Variants in NLRP1 observed in about 807,000 individuals in gnomAD.
NLRP1 encodes NLR family pyrin domain containing 1.
In NLRP1, 94 loss-of-function variants were observed where a neutral mutation model predicts 136.7. The observed-to-expected ratio is 0.69, with a 90% CI of 0.58 to 0.82. The LOEUF is 0.82. NLRP1 is among the 40% of genes least tolerant of loss of function. The pLI, the probability that NLRP1 is intolerant of heterozygous loss-of-function variation, is 0.00. For missense variants in NLRP1, 1,575 were observed against 1,802.7 expected (o/e 0.87, Z 2.29); for synonymous variants, 690 against 725.1 (o/e 0.95, Z 0.78).
At chr17:5,501,506 C>A in exon 16 of NLRP1, 1 of 237,706 alleles carries the variant, frequency 4.2e-6, no homozygotes, top group South Asian at 8.4e-5. Flanking sequence ...AAAATAAAGC[C>A]TCCCACAATC....
chr17:5,540,518 C>T (rs989976509), intron 6 of NLRP1, among the ~76,000 whole-genome samples: 1 of 152,128 alleles, frequency 6.6e-6, no homozygotes, highest in Non-Finnish European at 1.5e-5. Flanking sequence ...ATTCCAGGGC[C>T]TTCGCTAAGA....
chr17:5,548,655 T>A (rs1026426033), intron 5 of NLRP1, among the ~76,000 whole-genome samples: 1 of 152,246 alleles, frequency 6.6e-6, no homozygotes, highest in Non-Finnish European at 1.5e-5. Context: ...CCAGTCTGCA[T>A]TCTCGCCTCT....
At position 5,521,576 on chromosome 17, in the gene NLRP1, T is replaced by A. The variant is rs1331493206; in HGVS notation, c.3731A>T (p.Glu1244Val). The change falls in exon 13 of 17, where the codon GAG (glutamate) becomes GTG (valine). Residue 1244 changes from glutamate (E) to valine (V), a missense_variant. By Grantham distance (121) the Glu-to-Val change is moderately radical. Transcript: ENST00000572272. Reference protein sequence around the residue: ...VVLLYHRVHPEEVTFHLYLIP... With the variant: ...VVLLYHRVHPVEVTFHLYLIP... ...CAGGTAGAGGTGGAAGGTGACTTCC[T>A]CAGGATGGACGCGGTGGTAAAGCAA... 6.2e-7 allele frequency: 1 copy of A among 1,613,990 alleles called. No individual in the cohort carries two copies. The highest frequency in any genetic ancestry group is 1.3e-5 in the African/African-American group (1 of 74,928).
intron 5 of NLRP1, among the ~76,000 whole-genome samples, chr17:5,543,332 C>T (rs974287947): frequency 7.2e-5 from 11 of 152,132 alleles, no homozygotes; most frequent in Non-Finnish European, 1.6e-4. Context: ...GAGGTGAGGG[C>T]GGAGGCAGGG....
In NLRP1 at chr17:5,559,230, T is replaced by C; in HGVS notation, c.1466A>G (p.Tyr489Cys). ...TTCATCTGTGAAATATCTGTAGAAA[T>C]ATTCCTTCCTGCTGGACTCAGAGAA... The part of the protein sequence containing the change: ...LGFSESSRKE[Y>C]FYRYFTDERQ... Residue 489 changes from tyrosine to cysteine, a missense_variant, in exon 4 of 17, where the codon TAT becomes TGT. Physicochemically the swap from Tyr to Cys is radical, Grantham distance 194. Coordinates refer to ENST00000572272, the MANE Select transcript of NLRP1 (RefSeq NM_033004.4). 6.2e-7 allele frequency: 1 copy of C among 1,614,184 alleles called. No individual in the cohort carries two copies. Among genetic ancestry groups the C allele is most frequent in the Non-Finnish European group, 8.5e-7 (1 of 1,180,036 alleles).
chr17:5,578,372 G>A (rs1905232703), intron 3 of NLRP1, among the ~76,000 whole-genome samples: 1 of 152,034 alleles, frequency 6.6e-6, no homozygotes, highest in African/African-American at 2.4e-5. Flanking sequence ...CTAACAAAGG[G>A]CTAATATCCA....
At chr17:5,512,330 G>A (rs1907692412), downstream of NLRP1, 4 of 1,387,950 alleles carry the variant, frequency 2.9e-6, no homozygotes, top group Admixed American at 6.7e-5. Flanking sequence ...CCAAGAGGCG[G>A]GTCTACTTTA....
chr17:5,583,815 G>A lies in NLRP1; in HGVS notation c.143C>T (p.Thr48Met), dbSNP rs368786124. The A allele has an allele frequency of 3.8e-5, 59 of 1,561,430 alleles. 1 individual carries two copies. In the South Asian group the frequency reaches 4.2e-4, roughly 11 times the overall value. Residue 48 changes from threonine to methionine, a missense_variant, in exon 1 of 17, where the codon ACG becomes ATG. Transcript: ENST00000572272. The surrounding 1 kb of genome is among the most constrained non-coding windows in gnomAD (Gnocchi z 4.5). ...GTACGAGGCCACCTCCATGCCACTC[G>A]TCTTCTCTGGCTGAGCGGGTGTCTC... is the stretch of plus-strand genomic sequence containing the variant. Reference protein sequence around the residue: ...SGETPAQPEKTSGMEVASYLV... With the variant: ...SGETPAQPEKMSGMEVASYLV...
At chr17:5,521,497 C>A (rs375391186) in intron 13 of NLRP1, 27 bp downstream of exon 13, 105 of 1,604,634 alleles carry the variant, frequency 6.5e-5, no homozygotes, top group Non-Finnish European at 8.4e-5. Flanking sequence ...CCCACCGTGG[C>A]CCAGCCTTTC....
Position 5,530,722 on chromosome 17 carries a change from A to G in NLRP1, c.3297-18T>C. On this transcript the variant is annotated intron_variant, in intron 11 of 16. Coordinates refer to ENST00000572272, the MANE Select transcript of NLRP1 (RefSeq NM_033004.4). ...AGTGAACTCTGGGAAGAAGAGGGAGAGGCAGACACTTACTGCACGAACTCA... is the reference window on the plus strand; with the variant it reads ...AGTGAACTCTGGGAAGAAGAGGGAGGGGCAGACACTTACTGCACGAACTCA... 1 of 1,599,542 alleles carries G rather than the reference A, an allele frequency of 6.3e-7. No homozygotes were observed. Among genetic ancestry groups the G allele is most frequent in the Non-Finnish European group, 8.6e-7 (1 of 1,168,038 alleles).
At position 5,521,030 on chromosome 17, in the gene NLRP1, C is replaced by T; in HGVS notation, c.3784-18G>A. 1.9e-6 allele frequency: 3 copies of T among 1,584,484 alleles called. No individual in the cohort carries two copies. The highest frequency in any genetic ancestry group is 2.6e-6 in the Non-Finnish European group (3 of 1,163,690). ...TCTATGGCCTACAGAACATAGGGAA[C>T]AATGATTAAGGGAGGCTTCTGCCCC... is the stretch of plus-strand genomic sequence containing the variant. On this transcript the variant is annotated intron_variant, in intron 13 of 16. Transcript: ENST00000572272.
Position 5,521,045 on chromosome 17 carries a change from G to A in NLRP1, c.3784-33C>T, listed in dbSNP as rs58772423. 2,836 of 1,566,830 alleles carry A rather than the reference G, an allele frequency of 1.8e-3. 46 individuals carry two copies. In the African/African-American group the frequency reaches 0.032, roughly 17 times the overall value. ...ACATAGGGAACAATGATTAAGGGAGGCTTCTGCCCCGTGGAATGTGGTTTG... is the reference window on the plus strand; with the variant it reads ...ACATAGGGAACAATGATTAAGGGAGACTTCTGCCCCGTGGAATGTGGTTTG... On this transcript the variant is annotated intron_variant, in intron 13 of 16. Coordinates refer to ENST00000572272, the MANE Select transcript of NLRP1 (RefSeq NM_033004.4).
intron 5 of NLRP1, among the ~76,000 whole-genome samples, chr17:5,549,902 G>T (rs1054239740): frequency 6.6e-6 from 1 of 152,152 alleles, no homozygotes; most frequent in African/African-American, 2.4e-5. Flanking sequence ...TGTTTCCAAT[G>T]TGAAAAGGTG....
Position 5,532,871 on chromosome 17 carries a change from T to G in NLRP1, c.3247A>C (p.Thr1083Pro). ...ACTACCTCAGTAGCCACAGGCCCCG[T>G]GGGGCCCCAGAAGTCATCGTCAGTC... ...LGTDDDFWGPTGPVATEVVDK... is the reference protein window; with the variant it reads ...LGTDDDFWGPPGPVATEVVDK... Residue 1083 changes from threonine (T) to proline (P), a missense_variant, in exon 11 of 17, where the codon ACG becomes CCG. By Grantham distance (38) the Thr-to-Pro change is conservative (BLOSUM62 -1). Coordinates refer to ENST00000572272, the MANE Select transcript of NLRP1 (RefSeq NM_033004.4). 1 of 1,612,864 alleles carries G rather than the reference T, an allele frequency of 6.2e-7. No homozygotes were observed.
At chr17:5,510,492 TG>T (rs1907570049), downstream of NLRP1, among the ~76,000 whole-genome samples, 1 of 151,938 alleles carries the variant, frequency 6.6e-6, no homozygotes, top group Non-Finnish European at 1.5e-5. Context: ...CCCGAGTAGC[TG>T]GGGTTACAGG....
intron 5 of NLRP1, 87 bp from the exon 6 acceptor site, chr17:5,542,114 G>T: frequency 7.4e-7 from 1 of 1,345,302 alleles, no homozygotes; most frequent in Non-Finnish European, 1.0e-6. Flanking sequence ...CACCTACTAT[G>T]CACCAGGCCT....
At chr17:5,544,749 T>G (rs1912346146) in intron 5 of NLRP1, among the ~76,000 whole-genome samples, 1 of 152,234 alleles carries the variant, frequency 6.6e-6, no homozygotes, top group African/African-American at 2.4e-5. Flanking sequence ...ATTTTCATTT[T>G]GTATTGGGTC....
chr17:5,525,400 G>A (rs8078947), intron 12 of NLRP1, among the ~76,000 whole-genome samples: 8,692 of 152,236 alleles, frequency 0.057, 291 homozygotes, highest in Middle Eastern at 0.099. Context: ...TTTCCCAGCC[G>A]CATGCCCGGT....
chr17:5,572,580 C>T (rs1426508009), intron 3 of NLRP1, among the ~76,000 whole-genome samples: 5 of 151,894 alleles, frequency 3.3e-5, no homozygotes, highest in Non-Finnish European at 7.4e-5. Context: ...CGTAGTGGTG[C>T]ACACCTGTAA....
Sources: gnomAD v4.1 joint callset for allele counts (sites outside exome capture counted in the v4.1 genomes callset) on GRCh38, gnomAD v4.1.1 for gene constraint, Gnocchi (gnomAD v3.1) non-coding constraint, MANE v1.5 for transcripts, NCBI Gene and HGNC (gene_info 2026-07-23, HGNC 2026-07-21) for gene names.